Variants in AFF2 observed in about 807,000 individuals in gnomAD.
AFF2 encodes the protein AF4/FMR2 family member 2.
In AFF2, 14 loss-of-function variants were observed where a neutral mutation model predicts 76.9. The observed-to-expected ratio is 0.18, with a 90% CI of 0.12 to 0.28. AFF2 has a LOEUF of 0.28. Ranked by LOEUF, AFF2 falls within the 10% of genes least tolerant of loss-of-function variation. The probability of loss-of-function intolerance (pLI) is 1.00; values close to 1 mark genes in which losing one functional copy is unlikely to be tolerated. For missense variants in AFF2, 868 were observed against 1,001.1 expected (o/e 0.87, Z 1.79); for synonymous variants, 398 against 366.7 (o/e 1.09, Z -0.98).
In AFF2 at chrX:148,517,629, C is replaced by A. The variant is rs782332281; in HGVS notation, c.47+16485C>A. Among the ~76,000 whole-genome samples the A allele has an allele frequency of 7.1e-5, 8 of 111,989 alleles. No homozygotes were observed. In the East Asian group the frequency reaches 2.2e-3, roughly 31 times the overall value. ...ACCTTTCAGTCATTATTCAACAAATCATTTCTTGTACTGCACTATTGATTA... is the reference window on the plus strand; with the variant it reads ...ACCTTTCAGTCATTATTCAACAAATAATTTCTTGTACTGCACTATTGATTA... On this transcript the variant is annotated intron_variant, in intron 1 of 20. Transcript: ENST00000370460.
At chrX:148,876,292 TAGTC>T (rs1173076269) in intron 7 of AFF2, among the ~76,000 whole-genome samples, 4 of 112,085 alleles carry the variant, frequency 3.6e-5, no homozygotes, top group Non-Finnish European at 7.5e-5. Context: ...GTGACACAGA[TAGTC>T]AGAGTTTGAA....
intron 3 of AFF2, among the ~76,000 whole-genome samples, chrX:148,732,431 G>C (rs1422512646): frequency 3.0e-5 from 2 of 67,220 alleles, no homozygotes; most frequent in African/African-American, 5.6e-5. Flanking sequence ...GTGGTGGGGT[G>C]GGGGGAGGGG....
At chrX:148,742,650 T>C (rs1163881838) in intron 3 of AFF2, among the ~76,000 whole-genome samples, 2 of 112,014 alleles carry the variant, frequency 1.8e-5, no homozygotes, top group African/African-American at 6.5e-5. Flanking sequence ...TTCTACCACA[T>C]TGTTGGAAAA....
intron 1 of AFF2, among the ~76,000 whole-genome samples, chrX:148,613,788 G>C (rs1172184048): frequency 1.8e-5 from 2 of 111,464 alleles, no homozygotes; most frequent in Non-Finnish European, 3.8e-5. Flanking sequence ...TGCACATCAG[G>C]TCCTCATCAC....
chrX:148,812,047 T>C (rs1289977886), intron 4 of AFF2, among the ~76,000 whole-genome samples: 3 of 111,209 alleles, frequency 2.7e-5, no homozygotes, highest in African/African-American at 9.8e-5. Context: ...AAAGAATGTT[T>C]CATTCCCCAT....
At chrX:148,896,206 G>A (rs1481460392) in intron 8 of AFF2, among the ~76,000 whole-genome samples, 8 of 111,659 alleles carry the variant, frequency 7.2e-5, no homozygotes, top group African/African-American at 2.6e-4. Context: ...TATGAAATGA[G>A]GGGAAGGGCA....
intron 1 of AFF2, among the ~76,000 whole-genome samples, chrX:148,567,487 T>C (rs1557241835): frequency 1.8e-5 from 2 of 111,734 alleles, no homozygotes; most frequent in Admixed American, 1.9e-4. Flanking sequence ...AAGGGTTATT[T>C]ATGGTGACAC....
At chrX:148,675,433 G>T (rs557473633) in intron 3 of AFF2, among the ~76,000 whole-genome samples, 42 of 111,528 alleles carry the variant, frequency 3.8e-4, no homozygotes, top group Middle Eastern at 4.6e-3. Context: ...CAATGATGTT[G>T]CAGTTTCATG....
chrX:148,789,700 A>T (rs2069867257), intron 3 of AFF2, among the ~76,000 whole-genome samples: 1 of 112,133 alleles, frequency 8.9e-6, no homozygotes, highest in South Asian at 3.7e-4. Flanking sequence ...ACATTTACCA[A>T]GTGTTCTTAA....
chrX:148,708,304 C>T (rs1262712935), intron 3 of AFF2, among the ~76,000 whole-genome samples: 1 of 111,775 alleles, frequency 8.9e-6, no homozygotes, highest in Non-Finnish European at 1.9e-5. Context: ...GGAGCTAAAT[C>T]AAAGATTTAA....
At chrX:148,604,970 T>C (rs781915509) in intron 1 of AFF2, among the ~76,000 whole-genome samples, 1 of 112,026 alleles carries the variant, frequency 8.9e-6, no homozygotes, top group East Asian at 2.8e-4. Flanking sequence ...AACTATCCTT[T>C]AGAGAAAAAT....
intron 3 of AFF2, among the ~76,000 whole-genome samples, chrX:148,683,368 A>G (rs1193192837): frequency 2.7e-5 from 3 of 111,761 alleles, no homozygotes; most frequent in Non-Finnish European, 5.6e-5. Flanking sequence ...TTCAATTTCT[A>G]TGGTTGCAAA....
At chrX:148,632,545 A>G (rs2053990558) in intron 1 of AFF2, among the ~76,000 whole-genome samples, 1 of 111,267 alleles carries the variant, frequency 9.0e-6, no homozygotes, top group Non-Finnish European at 1.9e-5. Context: ...GGTTTTCATG[A>G]CAATGTGTGC....
chrX:148,845,354 G>C (rs1557274657), intron 7 of AFF2, among the ~76,000 whole-genome samples: 1 of 112,160 alleles, frequency 8.9e-6, no homozygotes, highest in Non-Finnish European at 1.9e-5. Context: ...GTGGTTTATA[G>C]TTAGAGGCTG....
At chrX:148,977,659 T>G (rs781794102) in intron 16 of AFF2, among the ~76,000 whole-genome samples, 1 of 99,527 alleles carries the variant, frequency 1.0e-5, no homozygotes, top group African/African-American at 4.1e-5. Flanking sequence ...ACACACACAC[T>G]CACGGTAATT....
At chrX:148,898,973 G>T (rs1398364093) in intron 8 of AFF2, among the ~76,000 whole-genome samples, 1 of 112,000 alleles carries the variant, frequency 8.9e-6, no homozygotes, top group African/African-American at 3.2e-5. Context: ...CTAAAGATAG[G>T]TAACATGTTT....
intron 3 of AFF2, among the ~76,000 whole-genome samples, chrX:148,783,405 A>C (rs1307233806): frequency 8.9e-6 from 1 of 111,861 alleles, no homozygotes; most frequent in Non-Finnish European, 1.9e-5. Context: ...CAAATCAGAA[A>C]TGAAGGCTGG....
At position 148,991,747 on chromosome X, in the gene AFF2, C is replaced by T. The variant is rs781815584; in HGVS notation, c.*415C>T. On this transcript the variant is annotated 3_prime_UTR_variant, in exon 21 of 21. Transcript: ENST00000370460. ...TAGACACAAGGGACCATCCCCCAAACTCTACTCTTATACCCAGAAAAGAAC... is the reference window on the plus strand; with the variant it reads ...TAGACACAAGGGACCATCCCCCAAATTCTACTCTTATACCCAGAAAAGAAC... 1.8e-5 allele frequency: 2 copies of T among 114,074 alleles called. No homozygotes were observed. The highest frequency in any genetic ancestry group is 3.7e-4 in the South Asian group (1 of 2,686). 9.4% of individuals were successfully genotyped at this position (114,074 alleles called of 1,213,427 possible).
chrX:148,960,233 C>T (rs921470569), intron 12 of AFF2, among the ~76,000 whole-genome samples: 16 of 112,129 alleles, frequency 1.4e-4, no homozygotes, highest in Non-Finnish European at 3.0e-4. Context: ...TGGCTGAGAG[C>T]CAGGTGGTGA....
Sources: allele counts gnomAD v4.1 joint callset (sites outside exome capture counted in the v4.1 genomes callset), GRCh38; gene constraint gnomAD v4.1.1; transcripts MANE v1.5; gene names NCBI Gene and HGNC (gene_info 2026-07-23, HGNC 2026-07-21).